USH2A: variants seen among roughly 807,000 people sequenced by gnomAD.
USH2A encodes the protein Usher syndrome 2A (autosomal recessive, mild).
USH2A carries 443 observed loss-of-function variants against 538.9 expected under a neutral mutation model. The observed-to-expected ratio is 0.82, with a 90% CI of 0.76 to 0.89. The LOEUF (loss-of-function observed/expected upper bound fraction) is 0.89, where lower values mean the gene tolerates loss of function less well. Ranked by LOEUF, USH2A falls within the 40% of genes least tolerant of loss-of-function variation. USH2A has a pLI of 0.00. For synonymous variants in USH2A, 2,413 were observed against 2,273.5 expected (o/e 1.06, Z -1.75); for missense variants, 6,633 against 6,324.8 (o/e 1.05, Z -1.65).
Position 215,675,287 on chromosome 1 carries a change from G to A in USH2A, c.12624C>T (p.Asp4208=), listed in dbSNP as rs375223901. The change falls in exon 63 of 72, where the codon GAC becomes GAT. Residue 4208 remains aspartate, a synonymous_variant. Transcript: ENST00000307340. ...TATATTCTGTGAAAACAATTTTCTC[G>A]TCGGCCTGGATTGTCTGATTTCCCC... is the stretch of plus-strand genomic sequence containing the variant. ...KAWGNQTIQA[D]EKIVFTEYNT... is the part of the protein sequence containing the mutation. 50 of 1,614,036 alleles carry A rather than the reference G, an allele frequency of 3.1e-5. No homozygotes were observed. The highest frequency in any genetic ancestry group is 2.4e-4 in the African/African-American group (18 of 75,012).
intron 30 of USH2A, among the ~76,000 whole-genome samples, chr1:216,057,331 T>C (rs147184219): frequency 1.0e-3 from 152 of 152,222 alleles, no homozygotes; most frequent in African/African-American, 3.3e-3. Context: ...GGCCATATTT[T>C]CGTCCTGTGA....
At position 215,900,761 on chromosome 1, in the gene USH2A, A is replaced by G; in HGVS notation, c.7445T>C (p.Phe2482Ser). The stretch of plus-strand genomic sequence containing the variant: ...GACAAAGTAGAATGCTCACTCTAGA[A>G]ATCCATGGGTGGAGTCGCCAGACCT... ...QMRSGDSTHG[F>S]LELFSNPSAS... Residue 2482 changes from phenylalanine (F) to serine (S), a missense_variant, in exon 39 of 72, where the codon TTT (phenylalanine) becomes TCT (serine). By Grantham distance (155) the Phe-to-Ser change is radical. Transcript: ENST00000307340. 6.2e-7 allele frequency: 1 copy of G among 1,613,644 alleles called. No individual in the cohort carries two copies. Among genetic ancestry groups the G allele is most frequent in the Non-Finnish European group, 8.5e-7 (1 of 1,179,734 alleles).
chr1:216,373,592 C>T (rs891376821), intron 3 of USH2A, among the ~76,000 whole-genome samples: 3 of 152,138 alleles, frequency 2.0e-5, no homozygotes, highest in Non-Finnish European at 2.9e-5. Context: ...AATACCGCAA[C>T]GTGTATTTGC....
chr1:216,109,791 T>A (rs892959538), intron 21 of USH2A, among the ~76,000 whole-genome samples: 1 of 152,194 alleles, frequency 6.6e-6, no homozygotes, highest in Non-Finnish European at 1.5e-5. Flanking sequence ...AAACTCCTAT[T>A]TCTTACTGCA....
At chr1:215,950,376 A>T (rs1169408539) in intron 37 of USH2A, among the ~76,000 whole-genome samples, 1 of 152,192 alleles carries the variant, frequency 6.6e-6, no homozygotes, top group Non-Finnish European at 1.5e-5. Flanking sequence ...ATAATGTTAA[A>T]TGTGTAAAAT....
At chr1:215,706,090 G>A (rs981231131) in intron 61 of USH2A, among the ~76,000 whole-genome samples, 3 of 152,264 alleles carry the variant, frequency 2.0e-5, no homozygotes, top group South Asian at 2.1e-4. Context: ...AAAGAGAGTC[G>A]AAGCACATTG....
intron 3 of USH2A, among the ~76,000 whole-genome samples, chr1:216,381,783 T>C (rs910791939): frequency 1.3e-5 from 2 of 152,192 alleles, no homozygotes; most frequent in East Asian, 1.9e-4. Flanking sequence ...TGTACAGTCT[T>C]CAAGGGATTG....
At chr1:215,729,003 A>G (rs1198837796) in intron 60 of USH2A, among the ~76,000 whole-genome samples, 3 of 152,126 alleles carry the variant, frequency 2.0e-5, no homozygotes, top group Admixed American at 2.0e-4. Flanking sequence ...TAGGGTCCCA[A>G]TGTGTTTGTC....
rs56013136 is a variant in USH2A, at chr1:216,190,248, C to T, written c.4371G>A (p.Ser1457=). 30,677 of 1,612,224 alleles carry T rather than the reference C, an allele frequency of 0.019. 392 individuals are homozygous for T. The highest frequency in any genetic ancestry group is 0.023 in the Non-Finnish European group (27,343 of 1,178,990). Residue 1457 remains serine (S), a synonymous_variant, in exon 20 of 72, where the codon TCG becomes TCA. Coordinates refer to ENST00000307340, the MANE Select transcript of USH2A (RefSeq NM_206933.4). ...CNSVGCVTSA[S]GAGQTLAAAP... ...CTGCTGCTAAAGTTTGTCCTGCTCC[C>T]GAAGCACTGGTCACACAACCAACTG... is the stretch of plus-strand genomic sequence containing the variant.
chr1:216,286,823 T>TG (rs1314772486), intron 11 of USH2A, among the ~76,000 whole-genome samples: 1 of 152,172 alleles, frequency 6.6e-6, no homozygotes, highest in Non-Finnish European at 1.5e-5. Context: ...GACTAATACA[T>TG]GGGGTACTGT....
chr1:216,174,924 G>A (rs999335064), intron 21 of USH2A: 2 of 1,159,038 alleles, frequency 1.7e-6, no homozygotes, highest in Non-Finnish European at 2.2e-6. Flanking sequence ...AAACTCATTT[G>A]CTCAGAGAAC....
intron 61 of USH2A, among the ~76,000 whole-genome samples, chr1:215,711,805 C>T (rs1015960897): frequency 6.6e-6 from 1 of 152,184 alleles, no homozygotes; most frequent in Admixed American, 6.5e-5. Context: ...TGACCACACT[C>T]TATTTCACAA....
intron 47 of USH2A, among the ~76,000 whole-genome samples, chr1:215,836,790 T>A (rs1010843255): frequency 4.7e-5 from 7 of 150,062 alleles, no homozygotes; most frequent in Non-Finnish European, 1.0e-4. Context: ...TCTCCTGAGC[T>A]TGTGATCCGC....
At chr1:215,947,284 T>C (rs1666782834) in intron 37 of USH2A, among the ~76,000 whole-genome samples, 1 of 152,192 alleles carries the variant, frequency 6.6e-6, no homozygotes, top group Non-Finnish European at 1.5e-5. Context: ...CTTCAGGTGG[T>C]CTGCCACCCT....
At chr1:216,174,186 C>T (rs2034327281) in intron 21 of USH2A, 2 of 984,970 alleles carry the variant, frequency 2.0e-6, no homozygotes, top group Middle Eastern at 5.2e-4. Context: ...ATTTTTATAG[C>T]TCGAATTCCA....
At chr1:216,386,274 G>C (rs2039002554) in intron 3 of USH2A, among the ~76,000 whole-genome samples, 1 of 151,986 alleles carries the variant, frequency 6.6e-6, no homozygotes. Context: ...AAGGCAGGCG[G>C]ATCACAAGGT....
At chr1:216,005,491 C>T (rs928175889) in intron 32 of USH2A, among the ~76,000 whole-genome samples, 1 of 152,134 alleles carries the variant, frequency 6.6e-6, no homozygotes, top group African/African-American at 2.4e-5. Context: ...GGTGTGATGA[C>T]TAACTCGCAT....
intron 32 of USH2A, among the ~76,000 whole-genome samples, chr1:216,015,274 G>T (rs950369801): frequency 6.6e-6 from 1 of 152,142 alleles, no homozygotes; most frequent in Non-Finnish European, 1.5e-5. Context: ...TATGTTTCTC[G>T]TAGATGCCTG....
chr1:216,321,598 C>T (rs1239350775), intron 9 of USH2A, among the ~76,000 whole-genome samples: 2 of 151,958 alleles, frequency 1.3e-5, no homozygotes, highest in African/African-American at 4.8e-5. Flanking sequence ...TTTTATAAAA[C>T]ATGATAATGC....
Sources: allele counts gnomAD v4.1 joint callset (sites outside exome capture counted in the v4.1 genomes callset), GRCh38; gene constraint gnomAD v4.1.1; transcripts MANE v1.5; gene names NCBI Gene and HGNC (gene_info 2026-07-23, HGNC 2026-07-21).